MCM6: variants seen among roughly 807,000 people sequenced by gnomAD.
The protein encoded by MCM6 is DNA replication licensing factor MCM6.
Under a neutral mutation model 94.3 loss-of-function variants are expected in MCM6, and 46 were observed. The ratio of observed to expected loss-of-function variants is 0.49; its 90% CI spans 0.39 to 0.62. MCM6 has a LOEUF of 0.62. MCM6 is among the 20% of genes least tolerant of loss of function. The pLI is 0.00. For missense variants in MCM6, 865 were observed against 1,017.9 expected, an observed-to-expected ratio of 0.85 and a Z score of 2.04; for synonymous variants, 335 against 351.9, an observed-to-expected ratio of 0.95 and a Z score of 0.54.
At chr2:135,846,563 G>A (rs938466888) in intron 14 of MCM6, among the ~76,000 whole-genome samples, 171 bp from the exon 15 acceptor site, 8 of 152,080 alleles carry the variant, frequency 5.3e-5, no homozygotes, top group Admixed American at 2.6e-4. Flanking sequence ...GGCTGGTCTC[G>A]AACTACCGGA....
At chr2:135,849,556 A>T (rs1679733226) in intron 13 of MCM6, among the ~76,000 whole-genome samples, 1 of 152,212 alleles carries the variant, frequency 6.6e-6, no homozygotes, top group African/African-American at 2.4e-5. Flanking sequence ...GAGCAAGCTG[A>T]TTTCTAAGTT....
rs752428110 is a variant in MCM6 at position 135,840,876 on chromosome 2, G to T, written c.2425C>A (p.Pro809Thr). The stretch of plus-strand genomic sequence containing the variant: ...TAGTTAGGGTTAACTACCAAGTAGG[G>T]ATCTTCTTCATAGCTCTCACTTCCC... Reference protein sequence around the residue: ...TEGSESYEEDPYLVVNPNYLL... With the variant: ...TEGSESYEEDTYLVVNPNYLL... The change falls in exon 17 of 17, where the codon CCC (proline) becomes ACC (threonine). Residue 809 changes from proline (P) to threonine (T), a missense_variant. This residue lies in a region of MCM6 where 308 missense variants were observed against 324.5 expected (regional missense o/e 0.95). Coordinates refer to ENST00000264156, the MANE Select transcript of MCM6 (RefSeq NM_005915.6). 1 of 1,614,070 alleles carries T rather than the reference G, an allele frequency of 6.2e-7. No homozygotes were observed. Among genetic ancestry groups the T allele is most frequent in the Non-Finnish European group, 8.5e-7 (1 of 1,179,942 alleles).
chr2:135,848,232 T>C, intron 13 of MCM6, 44 bp from the exon 14 acceptor site: 1 of 1,446,278 alleles, frequency 6.9e-7, no homozygotes, highest in Non-Finnish European at 9.6e-7. Context: ...TTTTTTGATA[T>C]ACCAAACAGA....
intron 11 of MCM6, 117 bp downstream of exon 11, chr2:135,856,611 T>G (rs1421323010): frequency 3.8e-6 from 4 of 1,051,342 alleles, no homozygotes; most frequent in Non-Finnish European, 5.4e-6. Context: ...TGTGCCACCC[T>G]GAGGGAAATC....
intron 8 of MCM6, among the ~76,000 whole-genome samples, chr2:135,861,643 T>C (rs4988194): frequency 0.066 from 10,034 of 152,214 alleles, 895 homozygotes; most frequent in African/African-American, 0.2. Context: ...GACGGAGTCT[T>C]GCTCTGTTGC....
intron 15 of MCM6, 87 bp downstream of exon 15, chr2:135,846,150 A>C (rs1405127453): frequency 1.5e-6 from 2 of 1,351,222 alleles, no homozygotes; most frequent in Non-Finnish European, 2.1e-6. Flanking sequence ...CGACAGAACA[A>C]CACGAAGTTT....
At chr2:135,847,423 A>G (rs1013952308) in intron 14 of MCM6, among the ~76,000 whole-genome samples, 5 of 152,254 alleles carry the variant, frequency 3.3e-5, no homozygotes, top group Admixed American at 1.3e-4. Context: ...AAAATAAATA[A>G]AATTTCTAGT....
At chr2:135,848,335 C>CCT in intron 13 of MCM6, 147 bp from the exon 14 acceptor site, 1 of 562,956 alleles carries the variant, frequency 1.8e-6, no homozygotes, top group Non-Finnish European at 3.2e-6. Context: ...TCACAAACAC[C>CCT]CTCTCTCATT....
In MCM6 at chr2:135,876,244, C is replaced by T. The variant is rs1472186748; in HGVS notation, c.107+15G>A. 1.3e-6 allele frequency: 2 copies of T among 1,574,414 alleles called. No homozygotes were observed. Among genetic ancestry groups the T allele is most frequent in the Middle Eastern group, 2.0e-4 (1 of 5,030 alleles). ...CTCCGGAGGCGGGCGAGGCCCGGGG[C>T]GCTCGCCGACTTACTCCTCCAAGAA... On this transcript the variant is annotated intron_variant, in intron 1 of 16. Transcript: ENST00000264156.
chr2:135,845,796 C>G (rs3769005), intron 15 of MCM6, among the ~76,000 whole-genome samples: 79,670 of 152,066 alleles, frequency 0.52, 24,388 homozygotes, highest in Non-Finnish European at 0.71. Context: ...CCAATAACTA[C>G]ATGAGGATTT....
chr2:135,841,921 A>G (rs1679579874), intron 16 of MCM6, among the ~76,000 whole-genome samples: 1 of 152,132 alleles, frequency 6.6e-6, no homozygotes, highest in Non-Finnish European at 1.5e-5. Context: ...CCTGGCCAAC[A>G]TGGTGAAACA....
intron 2 of MCM6, among the ~76,000 whole-genome samples, chr2:135,872,167 C>A (rs1363269497): frequency 6.6e-6 from 1 of 152,124 alleles, no homozygotes; most frequent in South Asian, 2.1e-4. Flanking sequence ...CAGCTCTGGC[C>A]GGGCACGGTG....
chr2:135,875,724 A>G (rs1350966275), intron 1 of MCM6, among the ~76,000 whole-genome samples: 2 of 152,244 alleles, frequency 1.3e-5, no homozygotes, highest in Non-Finnish European at 2.9e-5. Flanking sequence ...TACTCTCTGC[A>G]GGGCAGGGCT....
chr2:135,843,738 A>AAAAAAAC (rs1553437370), intron 16 of MCM6, among the ~76,000 whole-genome samples: 67 of 143,980 alleles, frequency 4.7e-4, no homozygotes, highest in African/African-American at 1.8e-3. Context: ...CTCAAAAAAA[A>AAAAAAAC]AAAAAAAAAA....
intron 3 of MCM6, among the ~76,000 whole-genome samples, chr2:135,869,461 T>C (rs1350443086): frequency 4.6e-5 from 7 of 151,916 alleles, no homozygotes; most frequent in Non-Finnish European, 1.0e-4. Flanking sequence ...AAATACTTTT[T>C]TGCTTACCCG....
intron 11 of MCM6, 84 bp from the exon 12 acceptor site, chr2:135,852,999 C>A: frequency 1.6e-6 from 2 of 1,272,430 alleles, no homozygotes; most frequent in Non-Finnish European, 2.1e-6. Context: ...TGATTTATCG[C>A]CAAAAACAAG....
chr2:135,868,955 TA>T (rs1335596797), intron 3 of MCM6, 95 bp from the exon 4 acceptor site: 1,229 of 1,200,172 alleles, frequency 1.0e-3, no homozygotes, highest in Non-Finnish European at 1.2e-3. Flanking sequence ...AATTTATGTT[TA>T]AAAAAAAAAT....
intron 16 of MCM6, among the ~76,000 whole-genome samples, chr2:135,842,488 C>A (rs1478756707): frequency 4.6e-5 from 7 of 152,148 alleles, no homozygotes; most frequent in African/African-American, 1.7e-4. Context: ...CTGCTATGTG[C>A]CAGGTACCAC....
Position 135,876,348 on chromosome 2 carries a change from T to G in MCM6, c.18A>C (p.Ala6=), listed in dbSNP as rs1372442038. MDLAA[A]AEPGAGSQHL... ...GCTGGCTGCCGGCGCCCGGCTCCGC[T>G]GCCGCCGCGAGGTCCATATTTGCTT... The change falls in exon 1 of 17, where the codon GCA becomes GCC. Residue 6 remains alanine (A), a synonymous_variant. Coordinates refer to ENST00000264156, the MANE Select transcript of MCM6 (RefSeq NM_005915.6). The G allele has an allele frequency of 6.2e-7, 1 of 1,607,816 alleles. No homozygotes were observed. The highest frequency in any genetic ancestry group is 1.1e-5 in the South Asian group (1 of 90,824).
Sources: gnomAD v4.1 joint callset for allele counts (sites outside exome capture counted in the v4.1 genomes callset) on GRCh38, gnomAD v4.1.1 for gene constraint, gnomAD v4.1.1 regional missense constraint, MANE v1.5 for transcripts, NCBI Gene and HGNC (gene_info 2026-07-23, HGNC 2026-07-21) for gene names.